LYPLAL1: variants seen among roughly 807,000 people sequenced by gnomAD.
The protein encoded by LYPLAL1 is lysophospholipase-like protein 1.
Under a neutral mutation model 19.7 loss-of-function variants are expected in LYPLAL1, and 23 were observed. The observed-to-expected ratio is 1.17, with a 90% CI of 0.84 to 1.65. LYPLAL1 has a LOEUF of 1.65. Among genes scored for constraint, LYPLAL1 ranks in the 40% most tolerant of loss-of-function variants. LYPLAL1 has a pLI of 0.00. For missense variants in LYPLAL1, 355 were observed against 279.4 expected, an observed-to-expected ratio of 1.27 and a Z score of -1.93; for synonymous variants, 119 against 96.3, an observed-to-expected ratio of 1.24 and a Z score of -1.38.
chr1:219,376,557 G>A, the LYPLAL1 span, among the ~76,000 whole-genome samples: 1 of 152,158 alleles, frequency 6.6e-6, no homozygotes, highest in African/African-American at 2.4e-5. Context: ...GCACAAAATT[G>A]TATGTTTGAG....
chr1:219,290,390 T>C, the LYPLAL1 span, among the ~76,000 whole-genome samples: 1 of 152,290 alleles, frequency 6.6e-6, no homozygotes, highest in South Asian at 2.1e-4. Flanking sequence ...CCTCTACATG[T>C]TTAGGTTTAA....
At chr1:219,224,353 G>C in the LYPLAL1 span, among the ~76,000 whole-genome samples, 16 of 152,238 alleles carry the variant, frequency 1.1e-4, no homozygotes, top group Non-Finnish European at 2.2e-4. Context: ...ATTTCAAATA[G>C]TAGCTAAAAT....
chr1:219,273,397 T>TG, the LYPLAL1 span: 1 of 152,198 alleles, frequency 6.6e-6, no homozygotes. Context: ...ACCCTCAGTG[T>TG]GATATAATTT....
the LYPLAL1 span, among the ~76,000 whole-genome samples, chr1:219,318,132 G>A: frequency 1.3e-5 from 2 of 152,130 alleles, no homozygotes; most frequent in Non-Finnish European, 2.9e-5. Flanking sequence ...AATCTAATGT[G>A]TATGGGCTTG....
chr1:219,434,347 T>C, the LYPLAL1 span, among the ~76,000 whole-genome samples: 1 of 152,242 alleles, frequency 6.6e-6, no homozygotes, highest in African/African-American at 2.4e-5. Context: ...TGAGAATCTA[T>C]AGTTAAATGC....
the LYPLAL1 span, among the ~76,000 whole-genome samples, chr1:219,404,741 G>A: frequency 6.6e-6 from 1 of 152,166 alleles, no homozygotes; most frequent in Admixed American, 6.5e-5. Context: ...ACAATAATTT[G>A]TTGTATATTT....
Position 219,193,084 on chromosome 1 carries a change from C to T in LYPLAL1, c.194C>T (p.Ser65Leu). 1 of 1,559,750 alleles carries T rather than the reference C, an allele frequency of 6.4e-7. No individual in the cohort carries two copies. Among genetic ancestry groups the T allele is most frequent in the Admixed American group, 1.7e-5 (1 of 57,716 alleles). Residue 65 changes from serine to leucine, a missense_variant and splice_region_variant, in exon 3 of 5, where the codon TCA becomes TTA. Ser to Leu is a moderately radical substitution (Grantham distance 145, BLOSUM62 -2). Coordinates refer to ENST00000366928, the MANE Select transcript of LYPLAL1 (RefSeq NM_138794.5). ...GGGGGGGGGCGGTTGTTAAACAGAT[C>T]ATATACTCCTATGAAAGGAGGAATC... ...KIIYPTAPPR[S>L]YTPMKGGISN... is the part of the protein sequence containing the mutation.
At chr1:219,292,313 T>C in the LYPLAL1 span, among the ~76,000 whole-genome samples, 3 of 152,320 alleles carry the variant, frequency 2.0e-5, no homozygotes, top group South Asian at 6.2e-4. Flanking sequence ...CAAGGCACTT[T>C]CACACCAACC....
chr1:219,258,155 C>A, the LYPLAL1 span, among the ~76,000 whole-genome samples: 9 of 152,000 alleles, frequency 5.9e-5, no homozygotes, highest in Admixed American at 5.2e-4. Context: ...TGTCAAGGTG[C>A]ACTGATTTCA....
the LYPLAL1 span, among the ~76,000 whole-genome samples, chr1:219,220,473 C>A: frequency 6.6e-6 from 1 of 151,860 alleles, no homozygotes. Flanking sequence ...AAAAGAGCAT[C>A]ATCATGCCCA....
chr1:219,256,556 T>C, the LYPLAL1 span, among the ~76,000 whole-genome samples: 1 of 151,938 alleles, frequency 6.6e-6, no homozygotes, highest in Non-Finnish European at 1.5e-5. Flanking sequence ...TTGGCTTTCT[T>C]AATCCTTTGA....
chr1:219,419,463 G>C, the LYPLAL1 span, among the ~76,000 whole-genome samples: 1 of 151,158 alleles, frequency 6.6e-6, no homozygotes, highest in South Asian at 2.1e-4. Context: ...TGAGAAAAAG[G>C]AATGCTGATG....
intron 2 of LYPLAL1, chr1:219,179,504 A>G: frequency 2.9e-6 from 1 of 344,132 alleles, no homozygotes; most frequent in Non-Finnish European, 5.2e-6. Context: ...TGGCTTATGT[A>G]ACTCTGCTTC....
At chr1:219,361,267 A>T in the LYPLAL1 span, among the ~76,000 whole-genome samples, 2 of 152,316 alleles carry the variant, frequency 1.3e-5, no homozygotes, top group South Asian at 4.1e-4. Context: ...AGGACTGTAA[A>T]GATTTGAGCA....
At chr1:219,322,054 C>G in the LYPLAL1 span, among the ~76,000 whole-genome samples, 1 of 152,146 alleles carries the variant, frequency 6.6e-6, no homozygotes, top group African/African-American at 2.4e-5. Flanking sequence ...TATGGAATAT[C>G]AAGAACTGGC....
the LYPLAL1 span, among the ~76,000 whole-genome samples, chr1:219,438,389 C>T: frequency 3.9e-5 from 6 of 152,112 alleles, no homozygotes; most frequent in Admixed American, 1.3e-4. Context: ...ATGGAATCCA[C>T]GAAATTTGTC....
intron 3 of LYPLAL1, among the ~76,000 whole-genome samples, chr1:219,196,350 A>C (rs1399435106): frequency 6.6e-6 from 1 of 152,096 alleles, no homozygotes; most frequent in Non-Finnish European, 1.5e-5. Context: ...AAAATTCAAA[A>C]TTCAAAAATT....
chr1:219,217,412 G>GTGTGTGTGTGTGTGTGTGTGT (rs1553304623), downstream of LYPLAL1, among the ~76,000 whole-genome samples: 4 of 70,764 alleles, frequency 5.7e-5, no homozygotes, highest in East Asian at 6.0e-4. Flanking sequence ...GTGTGTGAGA[G>GTGTGTGTGTGTGTGTGTGTGT]ATGGTTGTAA....
At chr1:219,376,845 GGT>G in the LYPLAL1 span, among the ~76,000 whole-genome samples, 4 of 152,128 alleles carry the variant, frequency 2.6e-5, no homozygotes, top group African/African-American at 7.2e-5. Flanking sequence ...TTTTGGCAAG[GGT>G]GTGGGGAAAT....
Sources: allele counts gnomAD v4.1 joint callset (sites outside exome capture counted in the v4.1 genomes callset), GRCh38; gene constraint gnomAD v4.1.1; transcripts MANE v1.5; gene names NCBI Gene and HGNC (gene_info 2026-07-23, HGNC 2026-07-21).